CNOT6L: variants seen among roughly 807,000 people sequenced by gnomAD.
CNOT6L encodes the protein CCR4-NOT transcription complex subunit 6-like.
Under a neutral mutation model 64.0 loss-of-function variants are expected in CNOT6L, and 7 were observed. The ratio of observed to expected loss-of-function variants is 0.11; its 90% CI spans 0.06 to 0.21. The LOEUF (loss-of-function observed/expected upper bound fraction) is 0.21, where lower values mean the gene tolerates loss of function less well. Ranked by LOEUF, CNOT6L falls within the 10% of genes least tolerant of loss-of-function variation. CNOT6L has a pLI of 1.00. For missense variants in CNOT6L, 245 were observed against 669.0 expected, an observed-to-expected ratio of 0.37 and a Z score of 6.99; for synonymous variants, 193 against 243.4, an observed-to-expected ratio of 0.79 and a Z score of 1.93.
chr4:77,772,784 A>G (rs1277873683), intron 4 of CNOT6L, among the ~76,000 whole-genome samples: 3 of 152,024 alleles, frequency 2.0e-5, no homozygotes, highest in African/African-American at 7.2e-5. Context: ...TTAGCCGGGC[A>G]TGGTGGCGAG....
intron 4 of CNOT6L, among the ~76,000 whole-genome samples, chr4:77,766,819 T>C (rs1726883361): frequency 6.6e-6 from 1 of 151,290 alleles, no homozygotes; most frequent in Non-Finnish European, 1.5e-5. Flanking sequence ...ATCCCAGCAC[T>C]TTGAGAGGCA....
At chr4:77,751,288 C>G (rs72652512) in intron 5 of CNOT6L, among the ~76,000 whole-genome samples, 1 of 151,924 alleles carries the variant, frequency 6.6e-6, no homozygotes, top group Non-Finnish European at 1.5e-5. Context: ...AATAAAGATG[C>G]CAAAAGATAA....
intron 8 of CNOT6L, among the ~76,000 whole-genome samples, chr4:77,737,513 C>T (rs1300604608): frequency 6.7e-6 from 1 of 148,638 alleles, no homozygotes; most frequent in Non-Finnish European, 1.5e-5. Context: ...CCTCTGCCTC[C>T]CGGGTTCAAG....
intron 10 of CNOT6L, among the ~76,000 whole-genome samples, chr4:77,727,562 C>CAAAAA (rs55848621): frequency 5.9e-5 from 5 of 84,596 alleles, no homozygotes; most frequent in African/African-American, 2.4e-4. Flanking sequence ...AACTCTGTCT[C>CAAAAA]AAAAAAAAAA....
intron 4 of CNOT6L, among the ~76,000 whole-genome samples, 164 bp from the exon 5 acceptor site, chr4:77,757,115 A>G (rs533506084): frequency 6.6e-6 from 1 of 152,294 alleles, no homozygotes; most frequent in South Asian, 2.1e-4. Context: ...GTGTAAATAA[A>G]TATTTTCTTT....
At chr4:77,755,814 G>T (rs1177834967) in intron 5 of CNOT6L, among the ~76,000 whole-genome samples, 1 of 151,568 alleles carries the variant, frequency 6.6e-6, no homozygotes, top group Non-Finnish European at 1.5e-5. Flanking sequence ...TGGAACTTAT[G>T]ATTTTTCTAG....
intron 1 of CNOT6L, among the ~76,000 whole-genome samples, chr4:77,793,412 T>C (rs1259981602): frequency 6.6e-6 from 1 of 152,112 alleles, no homozygotes; most frequent in African/African-American, 2.4e-5. Flanking sequence ...AATCACAACT[T>C]TTAAGTTGGA....
At chr4:77,819,828 G>A (rs1319172084), upstream of CNOT6L, among the ~76,000 whole-genome samples, 5 of 151,526 alleles carry the variant, frequency 3.3e-5, no homozygotes, top group Admixed American at 1.3e-4. Context: ...GGCGGCTGAA[G>A]GGAGCGAGGA....
chr4:77,772,779 C>T (rs894421721), intron 4 of CNOT6L, among the ~76,000 whole-genome samples: 2 of 151,916 alleles, frequency 1.3e-5, no homozygotes, highest in Admixed American at 1.3e-4. Context: ...AAAAATTAGC[C>T]GGGCATGGTG....
At chr4:77,819,022 C>T (rs1733944475) in intron 1 of CNOT6L, 1 of 661,356 alleles carries the variant, frequency 1.5e-6, no homozygotes, top group Non-Finnish European at 2.7e-6. Context: ...ACACGCCACT[C>T]TGGGGTCCCG....
chr4:77,773,051 A>G, intron 4 of CNOT6L, 30 bp downstream of exon 4: 2 of 1,462,226 alleles, frequency 1.4e-6, no homozygotes, highest in Non-Finnish European at 1.9e-6. Flanking sequence ...AAGGCTCAGA[A>G]TACCTCAAAA....
intron 1 of CNOT6L, among the ~76,000 whole-genome samples, chr4:77,818,553 A>T (rs1194122490): frequency 6.6e-6 from 1 of 152,202 alleles, no homozygotes; most frequent in Non-Finnish European, 1.5e-5. Flanking sequence ...AGAAGGGAAC[A>T]CGACACCGCG....
At position 77,717,350 on chromosome 4, in the gene CNOT6L, G is replaced by A. The variant is rs1720851150; in HGVS notation, c.*3081C>T. 1 of 152,358 alleles carries A rather than the reference G, an allele frequency of 6.6e-6. No individual in the cohort carries two copies. The highest frequency in any genetic ancestry group is 6.6e-5 in the Admixed American group (1 of 15,216). 9.4% of individuals were successfully genotyped at this position (152,358 alleles called of 1,614,324 possible). The stretch of plus-strand genomic sequence containing the variant: ...CATGCACTTGTATGACTGTAATAAT[G>A]GCAAACAGTACAGTTTTCTCTTCCT... On this transcript the variant is annotated 3_prime_UTR_variant, in exon 12 of 12. Coordinates refer to ENST00000504123, the MANE Select transcript of CNOT6L (RefSeq NM_144571.3).
intron 1 of CNOT6L, among the ~76,000 whole-genome samples, chr4:77,779,684 G>T (rs1280835128): frequency 6.6e-6 from 1 of 152,176 alleles, no homozygotes. Context: ...CCAAAGGCTG[G>T]GCGCAGTGGC....
chr4:77,727,043 T>C (rs1055716197), intron 10 of CNOT6L, among the ~76,000 whole-genome samples: 1 of 152,112 alleles, frequency 6.6e-6, no homozygotes, highest in African/African-American at 2.4e-5. Flanking sequence ...TCAAAACCCT[T>C]ATGATGATTA....
At chr4:77,797,117 A>AAAAAC (rs1332958966) in intron 1 of CNOT6L, among the ~76,000 whole-genome samples, 1 of 150,446 alleles carries the variant, frequency 6.6e-6, no homozygotes, top group East Asian at 1.9e-4. Context: ...AAAAAAAAAA[A>AAAAAC]AAAAAAAAAC....
At chr4:77,804,099 G>C (rs112821913) in intron 1 of CNOT6L, among the ~76,000 whole-genome samples, 1 of 151,982 alleles carries the variant, frequency 6.6e-6, no homozygotes, top group African/African-American at 2.4e-5. Flanking sequence ...TAATAACCAA[G>C]TATGTATAAT....
chr4:77,747,075 C>A (rs990618991), intron 6 of CNOT6L, among the ~76,000 whole-genome samples: 2 of 151,470 alleles, frequency 1.3e-5, no homozygotes, highest in East Asian at 1.9e-4. Flanking sequence ...ATCCTCTTAA[C>A]TTAAAAAAAG....
chr4:77,765,413 G>C (rs936866961), intron 4 of CNOT6L, among the ~76,000 whole-genome samples: 1 of 151,852 alleles, frequency 6.6e-6, no homozygotes, highest in African/African-American at 2.4e-5. Flanking sequence ...AAAATACATT[G>C]AAATAGTAGT....
Sources: allele counts gnomAD v4.1 joint callset (sites outside exome capture counted in the v4.1 genomes callset), GRCh38; gene constraint gnomAD v4.1.1; transcripts MANE v1.5; gene names NCBI Gene and HGNC (gene_info 2026-07-23, HGNC 2026-07-21).